The following EML5 variants were observed in gnomAD, a reference collection of about 807,000 sequenced individuals.
EML5 encodes the protein EMAP like 5, also known as echinoderm microtubule-associated protein-like 5.
EML5 carries 120 observed loss-of-function variants against 250.0 expected under a neutral mutation model. That is an observed-to-expected ratio of 0.48 (90% CI 0.41 to 0.56). EML5 has a LOEUF of 0.56. EML5 is among the 20% of genes least tolerant of loss of function. The pLI, the probability that EML5 is intolerant of heterozygous loss-of-function variation, is 0.00. For missense variants in EML5, 2,006 were observed against 2,437.6 expected (o/e 0.82, Z 3.73); for synonymous variants, 771 against 806.5 (o/e 0.96, Z 0.75).
chr14:88,768,493 T>G (rs755317030), intron 1 of EML5, among the ~76,000 whole-genome samples: 36 of 151,924 alleles, frequency 2.4e-4, no homozygotes, highest in Non-Finnish European at 4.0e-4. Flanking sequence ...TCGCTGCAAC[T>G]TCCACTTCCA....
chr14:88,764,282 C>T (rs530868367), intron 1 of EML5, among the ~76,000 whole-genome samples: 288 of 152,190 alleles, frequency 1.9e-3, no homozygotes, highest in African/African-American at 6.4e-3. Context: ...AGAAGTAGTA[C>T]TTCCTCTTCT....
chr14:88,759,708 G>A (rs1036118506), intron 1 of EML5, among the ~76,000 whole-genome samples: 9 of 79,830 alleles, frequency 1.1e-4, no homozygotes, highest in African/African-American at 6.4e-4. Flanking sequence ...AAAAAAACTG[G>A]GGAGAAAAAC....
intron 27 of EML5, among the ~76,000 whole-genome samples, chr14:88,651,072 A>G (rs1271943634): frequency 1.3e-5 from 2 of 151,880 alleles, no homozygotes; most frequent in East Asian, 3.9e-4. Context: ...AGAGATATGA[A>G]CCTCTTCATT....
intron 5 of EML5, among the ~76,000 whole-genome samples, chr14:88,739,721 A>G (rs1285937537): frequency 6.6e-6 from 1 of 152,208 alleles, no homozygotes; most frequent in African/African-American, 2.4e-5. Flanking sequence ...AAATATTTGC[A>G]ACATGTATGA....
chr14:88,786,713 AG>A (rs1365705905), intron 1 of EML5, among the ~76,000 whole-genome samples: 2 of 152,164 alleles, frequency 1.3e-5, no homozygotes, highest in African/African-American at 2.4e-5. Flanking sequence ...TGGTTTCATC[AG>A]GGGTTTCGGC....
Position 88,792,813 on chromosome 14 carries a change from G to T in EML5, c.-310C>A, listed in dbSNP as rs2094623813. ...AGCCCGTAGCGCCTGGGCCGAGAGC[G>T]AGGGCCCGCCTCCAGCTCCTCAGCC... On this transcript the variant is annotated 5_prime_UTR_variant, in exon 1 of 44. Transcript: ENST00000554922. The surrounding 1 kb of genome is among the most constrained non-coding windows in gnomAD (Gnocchi z 6.9). 1 of 924,854 alleles carries T rather than the reference G, an allele frequency of 1.1e-6. No homozygotes were observed. The highest frequency in any genetic ancestry group is 1.3e-6 in the Non-Finnish European group (1 of 770,876). The allele number at this position is 924,854 out of a possible 1,614,324, so 57.3% of individuals were successfully genotyped here.
chr14:88,657,392 G>T lies in EML5; in HGVS notation c.3988C>A (p.Pro1330Thr). 1.3e-6 allele frequency: 2 copies of T among 1,578,000 alleles called. No homozygotes were observed. The highest frequency in any genetic ancestry group is 2.3e-5 in the South Asian group (2 of 86,490). ...GIKPHLQQKEPSIDERQGVVR... is the reference protein window; with the variant it reads ...GIKPHLQQKETSIDERQGVVR... Reference sequence around the variant, plus strand: ...AATTATTACCTTTCATCAATTGAGGGTTCTTTTTGTTGTAAATGAGGCTTG... The same window carrying T: ...AATTATTACCTTTCATCAATTGAGGTTTCTTTTTGTTGTAAATGAGGCTTG... The change falls in exon 27 of 44, where the codon CCC becomes ACC. Residue 1330 changes from proline (P) to threonine (T), a missense_variant. By Grantham distance (38) the Pro-to-Thr change is conservative (BLOSUM62 -1). Coordinates refer to ENST00000554922, the MANE Select transcript of EML5 (RefSeq NM_183387.3).
intron 28 of EML5, among the ~76,000 whole-genome samples, chr14:88,648,773 G>A (rs910239018): frequency 2.0e-5 from 3 of 152,090 alleles, no homozygotes; most frequent in African/African-American, 4.8e-5. Context: ...TACTGAGTAA[G>A]CTATTCTAGA....
chr14:88,664,275 CAA>C (rs35920066), intron 23 of EML5, among the ~76,000 whole-genome samples: 12 of 105,656 alleles, frequency 1.1e-4, no homozygotes, highest in Admixed American at 2.9e-4. Context: ...AGACCTGTCT[CAA>C]AAAAAAAAAA....
At chr14:88,790,575 A>G (rs1403774508) in intron 1 of EML5, among the ~76,000 whole-genome samples, 1 of 152,188 alleles carries the variant, frequency 6.6e-6, no homozygotes, top group African/African-American at 2.4e-5. Flanking sequence ...ATAACCCCCA[A>G]GGAGTAAAAA....
intron 17 of EML5, among the ~76,000 whole-genome samples, chr14:88,692,859 T>C (rs756524365): frequency 5.9e-5 from 9 of 152,368 alleles, no homozygotes; most frequent in Non-Finnish European, 1.3e-4. Flanking sequence ...AATTTACAAC[T>C]TGAAAGTTAC....
At chr14:88,769,405 A>G (rs550468519) in intron 1 of EML5, among the ~76,000 whole-genome samples, 60 of 152,278 alleles carry the variant, frequency 3.9e-4, no homozygotes, top group African/African-American at 1.4e-3. Flanking sequence ...AGAAGCAGAA[A>G]CTGCTATGCT....
rs368605740 is a variant in EML5, at chr14:88,674,462, C to G, written c.3124+7428G>C. 1.7e-4 allele frequency among the ~76,000 whole-genome samples: 26 copies of G among 152,244 alleles called. 1 individual carries two copies. The highest frequency in any genetic ancestry group is 6.0e-4 in the African/African-American group (25 of 41,542). On this transcript the variant is annotated intron_variant, in intron 21 of 43. Transcript: ENST00000554922. ...GGAGTGAGTACAAACAGGTGAAATC[C>G]CAGACACATAAAACCATCAGATGTC...
intron 33 of EML5, among the ~76,000 whole-genome samples, chr14:88,633,647 T>C (rs905354612): frequency 2.6e-5 from 4 of 152,162 alleles, no homozygotes; most frequent in Non-Finnish European, 5.9e-5. Context: ...ATGAGTGTCA[T>C]CTATAGCCTC....
chr14:88,745,630 A>G (rs2093994412), intron 3 of EML5, among the ~76,000 whole-genome samples: 1 of 152,168 alleles, frequency 6.6e-6, no homozygotes, highest in African/African-American at 2.4e-5. Flanking sequence ...CAAACTAAAC[A>G]GACCCTAGGC....
At chr14:88,763,631 A>C (rs2094280484) in intron 1 of EML5, among the ~76,000 whole-genome samples, 1 of 152,208 alleles carries the variant, frequency 6.6e-6, no homozygotes, top group African/African-American at 2.4e-5. Context: ...ATAGAAAAAG[A>C]GGGAATTCTC....
intron 1 of EML5, among the ~76,000 whole-genome samples, chr14:88,768,514 G>GA (rs758859721): frequency 1.6e-4 from 24 of 151,950 alleles, no homozygotes; most frequent in Non-Finnish European, 3.1e-4. Flanking sequence ...GGGTTCAAGT[G>GA]ATTCTCCTGC....
chr14:88,732,498 G>A (rs968747755), intron 7 of EML5, among the ~76,000 whole-genome samples: 5 of 152,188 alleles, frequency 3.3e-5, no homozygotes, highest in South Asian at 2.1e-4. Context: ...GTCAGGTAGC[G>A]TGATGCCTTC....
intron 1 of EML5, among the ~76,000 whole-genome samples, chr14:88,772,730 G>T (rs1025688008): frequency 1.3e-5 from 2 of 151,884 alleles, no homozygotes; most frequent in African/African-American, 4.8e-5. Flanking sequence ...TCCAGCCTGG[G>T]CGACAGGGCA....
Sources: allele counts gnomAD v4.1 joint callset (sites outside exome capture counted in the v4.1 genomes callset), GRCh38; gene constraint gnomAD v4.1.1; non-coding constraint Gnocchi (gnomAD v3.1); transcripts MANE v1.5; gene names NCBI Gene and HGNC (gene_info 2026-07-23, HGNC 2026-07-21).